Variants in ROCK1 observed in about 807,000 individuals in gnomAD.
The protein encoded by ROCK1 is Rho associated coiled-coil containing protein kinase 1, also known as rho-associated protein kinase 1.
In ROCK1, 36 loss-of-function variants were observed where a neutral mutation model predicts 196.8. That is an observed-to-expected ratio of 0.18 (90% CI 0.14 to 0.24). The LOEUF (loss-of-function observed/expected upper bound fraction) is 0.24. Ranked by LOEUF, ROCK1 falls within the 10% of genes least tolerant of loss-of-function variation. The pLI, the probability that ROCK1 is intolerant of heterozygous loss-of-function variation, is 1.00. For missense variants in ROCK1, 920 were observed against 1,562.0 expected, an observed-to-expected ratio of 0.59 and a Z score of 6.93; for synonymous variants, 443 against 515.9, an observed-to-expected ratio of 0.86 and a Z score of 1.91.
intron 10 of ROCK1, among the ~76,000 whole-genome samples, chr18:21,027,796 C>G (rs566359644): frequency 1.8e-5 from 2 of 109,574 alleles, no homozygotes; most frequent in East Asian, 5.7e-4. Context: ...GAGTCTCGCT[C>G]TGTCGCCCAG....
Position 20,950,832 on chromosome 18 carries a change from T to G in ROCK1, c.*552A>C, listed in dbSNP as rs2035179335. 1 of 152,638 alleles carries G rather than the reference T, an allele frequency of 6.6e-6. No homozygotes were observed. Among genetic ancestry groups the G allele is most frequent in the East Asian group, 1.9e-4 (1 of 5,194 alleles). 9.5% of individuals were successfully genotyped at this position (152,638 alleles called of 1,614,324 possible). On this transcript the variant is annotated 3_prime_UTR_variant, in exon 33 of 33. Coordinates refer to ENST00000399799, the MANE Select transcript of ROCK1 (RefSeq NM_005406.3). Reference sequence around the variant, plus strand: ...AACATGGGCAATCAACAGTAAGGCTTTTAAATTCTACAGTGAGGGCACTGA... The same window carrying G: ...AACATGGGCAATCAACAGTAAGGCTGTTAAATTCTACAGTGAGGGCACTGA...
At chr18:20,990,864 G>C (rs559914244) in intron 18 of ROCK1, among the ~76,000 whole-genome samples, 1 of 151,120 alleles carries the variant, frequency 6.6e-6, no homozygotes. Context: ...GGGTTCAAGC[G>C]ATTCTCCTGC....
At chr18:20,980,886 A>C (rs2035525885) in intron 21 of ROCK1, among the ~76,000 whole-genome samples, 1 of 149,272 alleles carries the variant, frequency 6.7e-6, no homozygotes, top group Non-Finnish European at 1.5e-5. Context: ...ACTACTCTCC[A>C]GCCTGGGCGA....
At chr18:20,959,108 TA>T (rs2035293510) in intron 29 of ROCK1, among the ~76,000 whole-genome samples, 1 of 49,764 alleles carries the variant, frequency 2.0e-5, no homozygotes, top group Non-Finnish European at 3.0e-5. Flanking sequence ...ATATATTATA[TA>T]TATATTATAT....
chr18:21,064,876 C>G (rs2036320942), intron 2 of ROCK1, among the ~76,000 whole-genome samples: 1 of 152,220 alleles, frequency 6.6e-6, no homozygotes, highest in South Asian at 2.1e-4. Flanking sequence ...ACGTGTCTAA[C>G]TGCGCCCACT....
intron 21 of ROCK1, among the ~76,000 whole-genome samples, chr18:20,982,499 GC>G (rs2035542319): frequency 1.3e-5 from 2 of 152,188 alleles, no homozygotes; most frequent in Non-Finnish European, 1.5e-5. Context: ...TGATCCACTC[GC>G]CTCGGCCTCC....
chr18:20,965,992 A>G (rs2035370744), intron 27 of ROCK1, among the ~76,000 whole-genome samples: 1 of 152,182 alleles, frequency 6.6e-6, no homozygotes, highest in Non-Finnish European at 1.5e-5. Context: ...ATTCACAATA[A>G]CAAGTAATAT....
At chr18:21,050,980 GA>G (rs1338607618) in intron 2 of ROCK1, among the ~76,000 whole-genome samples, 1 of 151,930 alleles carries the variant, frequency 6.6e-6, no homozygotes, top group Non-Finnish European at 1.5e-5. Flanking sequence ...CAGAAACAAT[GA>G]AAAAAAGAAT....
At chr18:21,077,913 A>G (rs2036447995) in intron 1 of ROCK1, among the ~76,000 whole-genome samples, 2 of 152,258 alleles carry the variant, frequency 1.3e-5, no homozygotes. Context: ...TTAGCTGAAT[A>G]CAAGCTAAAG....
chr18:21,049,093 T>C lies in ROCK1; in HGVS notation c.413A>G (p.Gln138Arg). 1 of 1,594,130 alleles carries C rather than the reference T, an allele frequency of 6.3e-7. No individual in the cohort carries two copies. The highest frequency in any genetic ancestry group is 1.1e-5 in the South Asian group (1 of 87,464). The change falls in exon 4 of 33, where the codon CAG becomes CGG. Residue 138 changes from glutamine to arginine, a missense_variant and splice_region_variant. By Grantham distance (43) the Gln-to-Arg change is conservative. This residue lies in a region of ROCK1 where 234 missense variants were observed against 460.7 expected (regional missense o/e 0.51). Coordinates refer to ENST00000399799, the MANE Select transcript of ROCK1 (RefSeq NM_005406.3). ...AATGAAAGAGTAGCAAAGTCATACC[T>C]GAACAACCCAAGGACTGTTGGCAAA... ...MAFANSPWVV[Q>R]LFYAFQDDRY...
chr18:21,058,854 C>T (rs978298856), intron 2 of ROCK1, among the ~76,000 whole-genome samples: 3 of 152,104 alleles, frequency 2.0e-5, no homozygotes, highest in Non-Finnish European at 4.4e-5. Context: ...GCTGAGATTA[C>T]AGATGTGAGC....
intron 13 of ROCK1, among the ~76,000 whole-genome samples, chr18:21,010,376 A>C (rs2035806244): frequency 6.6e-6 from 1 of 152,168 alleles, no homozygotes; most frequent in Non-Finnish European, 1.5e-5. Flanking sequence ...CATCTCACAA[A>C]TTTTGATGAT....
chr18:21,010,827 T>C (rs2035810630), intron 13 of ROCK1, among the ~76,000 whole-genome samples: 1 of 152,238 alleles, frequency 6.6e-6, no homozygotes, highest in Non-Finnish European at 1.5e-5. Context: ...CTTCCAGTCT[T>C]ATCAACTTTT....
intron 1 of ROCK1, among the ~76,000 whole-genome samples, chr18:21,073,772 A>T (rs2036407213): frequency 6.6e-6 from 1 of 152,224 alleles, no homozygotes; most frequent in Non-Finnish European, 1.5e-5. Flanking sequence ...GACCACTGGT[A>T]CTAAAGACTG....
chr18:20,987,736 C>G (rs1249891743), intron 18 of ROCK1, among the ~76,000 whole-genome samples: 2 of 152,210 alleles, frequency 1.3e-5, no homozygotes, highest in Non-Finnish European at 2.9e-5. Context: ...CTTTCCCACT[C>G]TTGGAGACCA....
At chr18:20,981,302 G>T (rs912572455) in intron 21 of ROCK1, among the ~76,000 whole-genome samples, 1 of 152,024 alleles carries the variant, frequency 6.6e-6, no homozygotes, top group African/African-American at 2.4e-5. Context: ...GCTGAGGCAG[G>T]AGAATGGCGT....
intron 8 of ROCK1, among the ~76,000 whole-genome samples, chr18:21,040,961 A>C (rs1027536450): frequency 6.6e-6 from 1 of 151,840 alleles, no homozygotes; most frequent in African/African-American, 2.4e-5. Context: ...TCTCTATCAA[A>C]AATACAAAAA....
chr18:20,954,863 G>A lies in ROCK1; in HGVS notation c.3773C>T (p.Ala1258Val). The change falls in exon 31 of 33, where the codon GCC becomes GTC. Residue 1258 changes from alanine (A) to valine (V), a missense_variant. Around this residue, in one of 6 missense-constraint regions of ROCK1, gnomAD observed 49 missense variants for 180.4 expected, o/e 0.27. Transcript: ENST00000399799. ...AACATGGCATCTTCGACACTCTAGG[G>A]CAGGGGGTGGCTTAAAAACATGCCA... ...PLWHVFKPPPALECRRCHVKC... is the reference protein window; with the variant it reads ...PLWHVFKPPPVLECRRCHVKC... 1 of 1,613,978 alleles carries A rather than the reference G, an allele frequency of 6.2e-7. No individual in the cohort carries two copies. The highest frequency in any genetic ancestry group is 8.5e-7 in the Non-Finnish European group (1 of 1,179,862).
intron 1 of ROCK1, among the ~76,000 whole-genome samples, chr18:21,109,442 A>G (rs2036730633): frequency 6.6e-6 from 1 of 152,234 alleles, no homozygotes. Flanking sequence ...CTGGATAAAT[A>G]TTAAAAGATA....
Sources: allele counts gnomAD v4.1 joint callset (sites outside exome capture counted in the v4.1 genomes callset), GRCh38; gene constraint gnomAD v4.1.1; regional missense constraint gnomAD v4.1.1; transcripts MANE v1.5; gene names NCBI Gene and HGNC (gene_info 2026-07-23, HGNC 2026-07-21).